The following TPM1 variants were observed in gnomAD, a reference collection of about 807,000 sequenced individuals.
TPM1 encodes tropomyosin 1.
Under a neutral mutation model 42.9 loss-of-function variants are expected in TPM1, and 24 were observed. The observed-to-expected ratio is 0.56, with a 90% confidence interval of 0.41 to 0.79. TPM1 has a LOEUF of 0.79. TPM1 is among the 30% of genes least tolerant of loss of function. TPM1 has a pLI of 0.00. For missense variants in TPM1, 158 were observed against 351.8 expected, an observed-to-expected ratio of 0.45 and a Z score of 4.41; for synonymous variants, 136 against 130.1, an observed-to-expected ratio of 1.05 and a Z score of -0.31.
chr15:63,052,886 C>T (rs1346782763), intron 2 of TPM1, among the ~76,000 whole-genome samples: 1 of 151,976 alleles, frequency 6.6e-6, no homozygotes, highest in African/African-American at 2.4e-5. Context: ...AAAAGTGGCC[C>T]TGATTAAATT....
At chr15:63,050,209 A>C (rs908078824) in intron 2 of TPM1, among the ~76,000 whole-genome samples, 1 of 152,222 alleles carries the variant, frequency 6.6e-6, no homozygotes, top group African/African-American at 2.4e-5. Flanking sequence ...CTTCACCTTC[A>C]GTTCCCCACC....
At chr15:63,061,936 T>A in intron 6 of TPM1, 148 bp downstream of exon 6, 1 of 753,034 alleles carries the variant, frequency 1.3e-6, no homozygotes, top group South Asian at 1.6e-5. Context: ...TAACAAATTC[T>A]TTTTTTTAAC....
At chr15:63,048,443 C>T in intron 2 of TPM1, 1 of 1,352,870 alleles carries the variant, frequency 7.4e-7, no homozygotes, top group Non-Finnish European at 9.4e-7. Context: ...GCAGGGGGCG[C>T]CGCCATCGCA....
chr15:63,050,631 T>G (rs1206032123), intron 2 of TPM1, among the ~76,000 whole-genome samples: 2 of 152,268 alleles, frequency 1.3e-5, no homozygotes, highest in African/African-American at 4.8e-5. Flanking sequence ...TTAAGTAGTT[T>G]CAATTTTTTT....
chr15:63,054,897 C>T (rs561607708), intron 2 of TPM1, among the ~76,000 whole-genome samples: 28 of 151,788 alleles, frequency 1.8e-4, no homozygotes, highest in African/African-American at 5.8e-4. Flanking sequence ...TTTTTGCTTC[C>T]GCTTTGAGTC....
chr15:63,048,323 C>A, intron 2 of TPM1: 1 of 985,930 alleles, frequency 1.0e-6, no homozygotes, highest in Non-Finnish European at 1.4e-6. Flanking sequence ...ATGCGCAGTG[C>A]CCCCAGCCAG....
chr15:63,060,108 C>T (rs2035412975), intron 4 of TPM1: 1 of 229,544 alleles, frequency 4.4e-6, no homozygotes, highest in South Asian at 6.5e-5. Flanking sequence ...AGAGGCCTCT[C>T]TCCTCAAGGG....
intron 2 of TPM1, chr15:63,048,858 G>A (rs2033179097): frequency 9.4e-7 from 1 of 1,066,102 alleles, no homozygotes; most frequent in Non-Finnish European, 1.4e-6. Context: ...AGCTGGCGGC[G>A]GGCTCTGGGG....
chr15:63,064,282 T>C (rs2140994857), intron 9 of TPM1, 140 bp downstream of exon 9: 5 of 1,531,760 alleles, frequency 3.3e-6, no homozygotes, highest in Admixed American at 4.0e-5. Context: ...AGAATAGTCA[T>C]TGTTTTTTCA....
At chr15:63,043,316 G>T in intron 1 of TPM1, 1 of 536,954 alleles carries the variant, frequency 1.9e-6, no homozygotes, top group Non-Finnish European at 3.6e-6. Flanking sequence ...AGTGTTAGAA[G>T]TTCGTTGACT....
exon 9 of TPM1, chr15:63,071,318 A>C: frequency 1.1e-6 from 1 of 931,192 alleles, no homozygotes; most frequent in Non-Finnish European, 1.6e-6. Context: ...GGTGGGGAAA[A>C]CACATACAAA....
chr15:63,043,747 G>A (rs1443983579), intron 1 of TPM1: 2 of 1,549,536 alleles, frequency 1.3e-6, no homozygotes, highest in Non-Finnish European at 1.7e-6. Flanking sequence ...TGCTGCGGGT[G>A]TCGGAGGACG....
At chr15:63,048,298 CCCG>C in intron 2 of TPM1, 1 of 835,946 alleles carries the variant, frequency 1.2e-6, no homozygotes, top group Non-Finnish European at 1.8e-6. Context: ...CGCCTTTCTC[CCCG>C]CCGCCGCGAG....
At chr15:63,059,381 G>A (rs2035275206) in intron 3 of TPM1, among the ~76,000 whole-genome samples, 182 bp from the exon 4 acceptor site, 1 of 152,198 alleles carries the variant, frequency 6.6e-6, no homozygotes, top group African/African-American at 2.4e-5. Context: ...AGAGAGAAAT[G>A]TGTCTCTTTT....
chr15:63,064,998 C>CGTT (rs2036123137), intron 9 of TPM1: 1 of 985,140 alleles, frequency 1.0e-6, no homozygotes, highest in Non-Finnish European at 1.2e-6. Flanking sequence ...GTAAAAAGAA[C>CGTT]CCTCTGCTGA....
At chr15:63,064,740 C>A (rs929170697) in intron 9 of TPM1, 1 of 864,052 alleles carries the variant, frequency 1.2e-6, no homozygotes, top group Non-Finnish European at 1.4e-6. Flanking sequence ...CCGAGGCGGG[C>A]GGATCACGAG....
At chr15:63,045,414 G>A (rs1366568175) in intron 2 of TPM1, 2 of 152,160 alleles carry the variant, frequency 1.3e-5, no homozygotes, top group African/African-American at 4.8e-5. Context: ...ACCTGGCTTT[G>A]GAAAAAGAGC....
intron 8 of TPM1, 115 bp from the exon 9 acceptor site, chr15:63,063,949 A>C: frequency 6.8e-7 from 1 of 1,473,392 alleles, no homozygotes; most frequent in Non-Finnish European, 9.1e-7. Context: ...CCCTTCATGC[A>C]TTGCCCTTTT....
At chr15:63,064,974 AAAAG>A in intron 9 of TPM1, 1 of 985,060 alleles carries the variant, frequency 1.0e-6, no homozygotes, top group Non-Finnish European at 1.2e-6. Context: ...CTCAAGAAAA[AAAAG>A]AATGGTAGAG....
Sources: gnomAD v4.1 joint callset for allele counts (sites outside exome capture counted in the v4.1 genomes callset) on GRCh38, gnomAD v4.1.1 for gene constraint, MANE v1.5 for transcripts, NCBI Gene and HGNC (gene_info 2026-07-23, HGNC 2026-07-21) for gene names.